Variants in SGCD observed in about 807,000 individuals in gnomAD.
SGCD encodes delta-sarcoglycan.
In SGCD, 18 loss-of-function variants were observed where a neutral mutation model predicts 36.6. The observed-to-expected ratio is 0.49, with a 90% CI of 0.34 to 0.73. The LOEUF (loss-of-function observed/expected upper bound fraction) is 0.73. Ranked by LOEUF, SGCD falls within the 30% of genes least tolerant of loss-of-function variation. The pLI is 0.01. For missense variants in SGCD, 387 were observed against 346.7 expected, an observed-to-expected ratio of 1.12 and a Z score of -0.92; for synonymous variants, 133 against 130.6, an observed-to-expected ratio of 1.02 and a Z score of -0.12.
At chr5:156,375,214 G>C (rs1195162156) in intron 3 of SGCD, among the ~76,000 whole-genome samples, 1 of 151,790 alleles carries the variant, frequency 6.6e-6, no homozygotes. Flanking sequence ...TTTAAAAAAC[G>C]ATCTGAAGGT....
At chr5:156,609,015 C>G (rs1462615146) in intron 6 of SGCD, among the ~76,000 whole-genome samples, 1 of 152,032 alleles carries the variant, frequency 6.6e-6, no homozygotes, top group Non-Finnish European at 1.5e-5. Context: ...CAGTCTGTGT[C>G]TTTTAATTGG....
intron 4 of SGCD, among the ~76,000 whole-genome samples, chr5:156,544,362 G>C (rs758524380): frequency 3.3e-5 from 5 of 152,152 alleles, no homozygotes; most frequent in Non-Finnish European, 7.3e-5. Context: ...AGGATTATTT[G>C]AGAACTGCCA....
intron 1 of SGCD, among the ~76,000 whole-genome samples, chr5:156,087,951 G>A (rs1037097592): frequency 1.3e-5 from 2 of 152,126 alleles, no homozygotes; most frequent in African/African-American, 4.8e-5. Flanking sequence ...CAGTGTCCTG[G>A]CCATCCTGAT....
chr5:156,138,193 A>C (rs1762502888), intron 3 of SGCD, among the ~76,000 whole-genome samples: 1 of 152,136 alleles, frequency 6.6e-6, no homozygotes, highest in Non-Finnish European at 1.5e-5. Context: ...TTGAGACAGG[A>C]GTTCAAGACC....
chr5:156,453,459 C>T (rs1436069549), intron 3 of SGCD, among the ~76,000 whole-genome samples: 1 of 152,126 alleles, frequency 6.6e-6, no homozygotes, highest in African/African-American at 2.4e-5. Flanking sequence ...CATGAATGTT[C>T]ATAGTAGCTG....
intron 1 of SGCD, among the ~76,000 whole-genome samples, chr5:156,092,514 A>G (rs1761268887): frequency 1.3e-5 from 2 of 152,222 alleles, no homozygotes; most frequent in Non-Finnish European, 2.9e-5. Context: ...CCTCAAAGAT[A>G]GTGTGCCAAT....
At chr5:156,500,612 A>T (rs2127862025) in intron 3 of SGCD, among the ~76,000 whole-genome samples, 1 of 152,322 alleles carries the variant, frequency 6.6e-6, no homozygotes, top group South Asian at 2.1e-4. Flanking sequence ...TATTAGTGGG[A>T]AAAACTGTTT....
intron 1 of SGCD, among the ~76,000 whole-genome samples, chr5:155,916,063 A>G (rs368864295): frequency 3.3e-5 from 5 of 152,218 alleles, no homozygotes; most frequent in African/African-American, 1.2e-4. Context: ...CGGAGGCCAT[A>G]TGTTCATTGT....
intron 3 of SGCD, among the ~76,000 whole-genome samples, chr5:156,176,059 T>G (rs980625273): frequency 1.3e-5 from 2 of 152,160 alleles, no homozygotes; most frequent in Non-Finnish European, 2.9e-5. Flanking sequence ...GCTTGCGATT[T>G]TCAAAGTTTC....
chr5:156,362,039 C>T (rs756024262), intron 3 of SGCD, among the ~76,000 whole-genome samples: 1 of 152,164 alleles, frequency 6.6e-6, no homozygotes, highest in Non-Finnish European at 1.5e-5. Context: ...AGTTCAAAAG[C>T]CCTGATTGAG....
intron 4 of SGCD, among the ~76,000 whole-genome samples, chr5:156,558,980 A>C (rs1337036365): frequency 6.6e-6 from 1 of 151,684 alleles, no homozygotes; most frequent in Non-Finnish European, 1.5e-5. Context: ...TGGTGAATGG[A>C]TTGCCAAAGC....
At chr5:156,511,991 C>T (rs138535761) in intron 4 of SGCD, among the ~76,000 whole-genome samples, 1,745 of 152,098 alleles carry the variant, frequency 0.011, 22 homozygotes, top group Non-Finnish European at 0.019. Flanking sequence ...GTCAGGAGTT[C>T]GAGACCAGCC....
chr5:155,925,511 T>TCACTC (rs1423487507), intron 1 of SGCD, among the ~76,000 whole-genome samples: 1 of 152,220 alleles, frequency 6.6e-6, no homozygotes, highest in African/African-American at 2.4e-5. Flanking sequence ...TGTGGTAGCG[T>TCACTC]CACTCCAATC....
chr5:155,975,056 C>A (rs1758082305), intron 1 of SGCD, among the ~76,000 whole-genome samples: 1 of 152,176 alleles, frequency 6.6e-6, no homozygotes, highest in South Asian at 2.1e-4. Context: ...AAAACAACAG[C>A]AGAAGCAGAA....
At chr5:156,009,822 A>G (rs947395262) in intron 1 of SGCD, among the ~76,000 whole-genome samples, 28 of 152,316 alleles carry the variant, frequency 1.8e-4, no homozygotes, top group African/African-American at 6.5e-4. Context: ...ATTGCTGTCT[A>G]GTCATAGGCT....
the SGCD span, among the ~76,000 whole-genome samples, chr5:155,746,003 A>G: frequency 1.3e-5 from 2 of 152,220 alleles, no homozygotes; most frequent in African/African-American, 4.8e-5. Flanking sequence ...ATTCTTGCAC[A>G]TGTGCTGCAG....
rs371941843 is a variant in SGCD at position 156,500,590 on chromosome 5, G to T, written c.193-8011G>T. 2.3e-4 allele frequency among the ~76,000 whole-genome samples: 35 copies of T among 152,228 alleles called. No homozygotes were observed. In the East Asian group the frequency reaches 6.2e-3, roughly 27 times the overall value. On this transcript the variant is annotated intron_variant, in intron 3 of 8. Coordinates refer to ENST00000337851, the MANE Select transcript of SGCD (RefSeq NM_000337.6). ...AGCAAGAAAATCGCACTTTTTTTCTGTTAATAGATTTTATTAGTGGGAAAA... is the reference window on the plus strand; with the variant it reads ...AGCAAGAAAATCGCACTTTTTTTCTTTTAATAGATTTTATTAGTGGGAAAA...
At chr5:156,507,679 A>C (rs1417858869) in intron 3 of SGCD, among the ~76,000 whole-genome samples, 2 of 152,228 alleles carry the variant, frequency 1.3e-5, no homozygotes, top group Non-Finnish European at 2.9e-5. Flanking sequence ...AATGTTCAGC[A>C]AAATCTAAAC....
intron 1 of SGCD, among the ~76,000 whole-genome samples, chr5:156,002,803 A>G (rs1758689752): frequency 6.6e-6 from 1 of 152,250 alleles, no homozygotes; most frequent in Non-Finnish European, 1.5e-5. Flanking sequence ...CTGTTGCAGG[A>G]GACCAGAGGA....
Sources: allele counts gnomAD v4.1 joint callset (sites outside exome capture counted in the v4.1 genomes callset), GRCh38; gene constraint gnomAD v4.1.1; transcripts MANE v1.5; gene names NCBI Gene and HGNC (gene_info 2026-07-23, HGNC 2026-07-21).